The following XIRP2 variants were observed in gnomAD, a reference collection of about 807,000 sequenced individuals.
The protein encoded by XIRP2 is xin actin-binding repeat-containing protein 2.
Under a neutral mutation model 277.0 loss-of-function variants are expected in XIRP2, and 236 were observed. The observed-to-expected ratio is 0.85, with a 90% CI of 0.77 to 0.95. The LOEUF is 0.95. Among genes scored for constraint, XIRP2 ranks in the 40% least tolerant of loss-of-function variants. The pLI is 0.00. For synonymous variants in XIRP2, 1,490 were observed against 1,416.5 expected (o/e 1.05, Z -1.17); for missense variants, 4,640 against 4,157.5 (o/e 1.12, Z -3.19).
intron 2 of XIRP2, among the ~76,000 whole-genome samples, chr2:166,930,900 G>A (rs180813773): frequency 9.9e-4 from 151 of 152,240 alleles, no homozygotes; most frequent in African/African-American, 3.4e-3. Flanking sequence ...TTTGTTATCA[G>A]TTGCCTATGC....
At chr2:167,016,046 C>T (rs1267139901) in intron 2 of XIRP2, among the ~76,000 whole-genome samples, 3 of 151,620 alleles carry the variant, frequency 2.0e-5, no homozygotes, top group South Asian at 2.1e-4. Flanking sequence ...TCCTTTTATT[C>T]TCCCCTTCCA....
At chr2:167,144,387 C>T (rs1463025380) in intron 3 of XIRP2, among the ~76,000 whole-genome samples, 3 of 152,008 alleles carry the variant, frequency 2.0e-5, no homozygotes, top group South Asian at 2.1e-4. Flanking sequence ...TAACAGTACA[C>T]GTAGTCCTAG....
intron 2 of XIRP2, among the ~76,000 whole-genome samples, chr2:166,941,212 G>A (rs149765967): frequency 8.5e-4 from 130 of 152,316 alleles, no homozygotes; most frequent in Non-Finnish European, 1.7e-3. Flanking sequence ...CGAGCAATGA[G>A]TGAGGCTTCA....
chr2:167,085,991 TTAGC>T (rs1689929947), intron 2 of XIRP2, among the ~76,000 whole-genome samples: 1 of 152,098 alleles, frequency 6.6e-6, no homozygotes, highest in African/African-American at 2.4e-5. Flanking sequence ...CATTATGATG[TTAGC>T]TGGTTATTTT....
chr2:166,913,898 T>G (rs938170502), intron 2 of XIRP2, among the ~76,000 whole-genome samples: 9 of 152,222 alleles, frequency 5.9e-5, no homozygotes, highest in Non-Finnish European at 7.3e-5. Context: ...TGACTTATTC[T>G]TCACTTAGAT....
intron 2 of XIRP2, among the ~76,000 whole-genome samples, chr2:166,916,929 G>T (rs574641244): frequency 7.2e-5 from 11 of 152,102 alleles, no homozygotes; most frequent in Non-Finnish European, 1.2e-4. Flanking sequence ...ACACCTGAAG[G>T]AGAAGAGGCA....
At position 167,249,692 on chromosome 2, in the gene XIRP2, C is replaced by A; in HGVS notation, c.8300C>A (p.Ala2767Asp). Reference sequence around the variant, plus strand: ...GAATGTAGTCATAAGCAATCTCTGGCTGAAAGACATTATCAGTTACCTAAG... The same window carrying A: ...GAATGTAGTCATAAGCAATCTCTGGATGAAAGACATTATCAGTTACCTAAG... ...STECSHKQSLAERHYQLPKKE... is the reference protein window; with the variant it reads ...STECSHKQSLDERHYQLPKKE... Residue 2767 changes from alanine to aspartate, a missense_variant, in exon 9 of 11, where the codon GCT becomes GAT. Physicochemically the swap from Ala to Asp is moderately radical, Grantham distance 126. Coordinates refer to ENST00000409195, the MANE Select transcript of XIRP2 (RefSeq NM_152381.6). 1 of 1,613,404 alleles carries A rather than the reference C, an allele frequency of 6.2e-7. No individual in the cohort carries two copies. Among genetic ancestry groups the A allele is most frequent in the South Asian group, 1.1e-5 (1 of 91,054 alleles).
chr2:166,939,701 AAAAAC>A (rs1685641707), intron 2 of XIRP2, among the ~76,000 whole-genome samples: 2 of 149,604 alleles, frequency 1.3e-5, no homozygotes, highest in African/African-American at 5.0e-5. Context: ...AAAAAAAACA[AAAAAC>A]AAAAACAAAA....
rs1474604403 is a variant in XIRP2 at position 167,214,315 on chromosome 2, G to A, written c.723+3420G>A. 6.0e-5 allele frequency among the ~76,000 whole-genome samples: 9 copies of A among 149,422 alleles called. 1 individual carries two copies. Among genetic ancestry groups the A allele is most frequent in the Admixed American group, 6.0e-4 (9 of 15,076 alleles). On this transcript the variant is annotated intron_variant, in intron 4 of 10. Coordinates refer to ENST00000409195, the MANE Select transcript of XIRP2 (RefSeq NM_152381.6). ...AGGGAGGGAGGAAGGAAGGAAGGAA[G>A]GAAGGAAGGAAGATAGCCAAGCATG... is the stretch of plus-strand genomic sequence containing the variant.
chr2:167,106,654 G>T (rs2105291069), intron 2 of XIRP2, among the ~76,000 whole-genome samples: 1 of 151,594 alleles, frequency 6.6e-6, no homozygotes, highest in East Asian at 1.9e-4. Context: ...TACAAAAAAA[G>T]TTTTAGCTAT....
In XIRP2 at chr2:166,981,441, A is replaced by G. The variant is rs567425493; in HGVS notation, c.408+77551A>G. Among the ~76,000 whole-genome samples, 263 of 149,928 alleles carry G rather than the reference A, an allele frequency of 1.8e-3. 1 individual carries two copies. The highest frequency in any genetic ancestry group is 6.3e-3 in the African/African-American group (256 of 40,704). On this transcript the variant is annotated intron_variant, in intron 2 of 10. Coordinates refer to ENST00000409195, the MANE Select transcript of XIRP2 (RefSeq NM_152381.6). ...TGCTCTTCTTCTTTTTTTTTTTTTA[A>G]GATGGAGTCTTTCTCTGTCTCCCAG...
intron 2 of XIRP2, among the ~76,000 whole-genome samples, chr2:167,128,050 T>A (rs541412409): frequency 6.6e-6 from 1 of 152,228 alleles, no homozygotes; most frequent in Non-Finnish European, 1.5e-5. Flanking sequence ...ACACATTCAT[T>A]TGGGGAAGAC....
Position 167,242,922 on chromosome 2 carries a change from A to G in XIRP2, c.1530A>G (p.Arg510=), listed in dbSNP as rs778356690. ...RLYKHIHPEL[R]KNLEKDYISE... is the part of the protein sequence containing the mutation. ...ATAAACACATCCATCCTGAGTTAAG[A>G]AAAAACTTAGAAAAAGATTATATCA... is the stretch of plus-strand genomic sequence containing the variant. The change falls in exon 9 of 11, where the codon AGA becomes AGG. Residue 510 remains arginine, a synonymous_variant. Transcript: ENST00000409195. 6.2e-7 allele frequency: 1 copy of G among 1,613,490 alleles called. No individual in the cohort carries two copies. Among genetic ancestry groups the G allele is most frequent in the Middle Eastern group, 1.6e-4 (1 of 6,084 alleles).
intron 2 of XIRP2, among the ~76,000 whole-genome samples, chr2:167,011,937 A>G (rs974241999): frequency 6.6e-6 from 1 of 151,750 alleles, no homozygotes; most frequent in Non-Finnish European, 1.5e-5. Context: ...ATCATTTTTT[A>G]TTGTGTCTAT....
At chr2:167,019,261 A>G (rs1687918308) in intron 2 of XIRP2, among the ~76,000 whole-genome samples, 1 of 152,034 alleles carries the variant, frequency 6.6e-6, no homozygotes, top group Non-Finnish European at 1.5e-5. Flanking sequence ...ATAAAAATCT[A>G]AGAGTCAATT....
chr2:166,906,990 C>A (rs777975209), intron 2 of XIRP2, among the ~76,000 whole-genome samples: 1 of 152,094 alleles, frequency 6.6e-6, no homozygotes, highest in Non-Finnish European at 1.5e-5. Flanking sequence ...CTAAAACAGT[C>A]ACTATTTCAG....
intron 2 of XIRP2, among the ~76,000 whole-genome samples, chr2:166,963,910 A>C (rs946098368): frequency 6.6e-6 from 1 of 151,858 alleles, no homozygotes; most frequent in Non-Finnish European, 1.5e-5. Flanking sequence ...AGCATCAGAC[A>C]GTGTTCGGAG....
intron 2 of XIRP2, among the ~76,000 whole-genome samples, chr2:167,083,286 C>G (rs2105264732): frequency 6.6e-6 from 1 of 152,258 alleles, no homozygotes; most frequent in South Asian, 2.1e-4. Flanking sequence ...GGGCTCTGTT[C>G]TGTTCCATTG....
chr2:166,925,589 G>GTGTATATATATA (rs1553470448), intron 2 of XIRP2, among the ~76,000 whole-genome samples: 1 of 105,976 alleles, frequency 9.4e-6, no homozygotes, highest in East Asian at 2.8e-4. Context: ...GTGTGTATGT[G>GTGTATATATATA]TATATACATA....
Sources: allele counts gnomAD v4.1 joint callset (sites outside exome capture counted in the v4.1 genomes callset), GRCh38; gene constraint gnomAD v4.1.1; transcripts MANE v1.5; gene names NCBI Gene and HGNC (gene_info 2026-07-23, HGNC 2026-07-21).